The following CLIC5 variants were observed in gnomAD, a reference collection of about 807,000 sequenced individuals.
The protein encoded by CLIC5 is chloride intracellular channel protein 5.
CLIC5 carries 20 observed loss-of-function variants against 24.7 expected under a neutral mutation model. The observed-to-expected ratio is 0.81, with a 90% CI of 0.57 to 1.18. The LOEUF is 1.18. CLIC5 is among the 50% of genes most tolerant of loss of function. The probability of loss-of-function intolerance (pLI) is 0.00; values close to 1 mark genes in which losing one functional copy is unlikely to be tolerated. For missense variants in CLIC5, 341 were observed against 326.1 expected (o/e 1.05, Z -0.35); for synonymous variants, 159 against 135.6 (o/e 1.17, Z -1.20).
intron 1 of CLIC5, among the ~76,000 whole-genome samples, chr6:46,006,044 A>G (rs149418332): frequency 7.5e-4 from 105 of 140,396 alleles, no homozygotes; most frequent in African/African-American, 2.7e-3. Flanking sequence ...ATATACATGT[A>G]TAAATATATA....
At chr6:46,104,819 C>A in the CLIC5 span, among the ~76,000 whole-genome samples, 2 of 152,112 alleles carry the variant, frequency 1.3e-5, no homozygotes, top group African/African-American at 4.8e-5. Context: ...AAAAATCTGA[C>A]CTGAAACAAA....
downstream of CLIC5, among the ~76,000 whole-genome samples, chr6:45,897,937 C>G (rs7747739): frequency 0.023 from 3,476 of 151,854 alleles, 121 homozygotes; most frequent in African/African-American, 0.079. Context: ...TTTTACCTAG[C>G]CCAGGTATTA....
intron 1 of CLIC5, among the ~76,000 whole-genome samples, chr6:45,978,375 C>T (rs545108854): frequency 6.6e-6 from 1 of 152,120 alleles, no homozygotes; most frequent in African/African-American, 2.4e-5. Flanking sequence ...GAGCAGGAAT[C>T]GTAAGCTTTC....
At chr6:45,987,847 A>C (rs1235668423) in intron 1 of CLIC5, among the ~76,000 whole-genome samples, 1 of 152,198 alleles carries the variant, frequency 6.6e-6, no homozygotes, top group Non-Finnish European at 1.5e-5. Flanking sequence ...TCCTAAAAGC[A>C]CTATCTCCAG....
upstream of CLIC5, among the ~76,000 whole-genome samples, chr6:46,016,752 A>G (rs1767023217): frequency 6.6e-6 from 1 of 152,090 alleles, no homozygotes; most frequent in Non-Finnish European, 1.5e-5. Flanking sequence ...TCTCCTCTCC[A>G]CATCTTTTCT....
the CLIC5 span, among the ~76,000 whole-genome samples, chr6:46,094,605 C>T: frequency 3.3e-5 from 5 of 152,206 alleles, no homozygotes; most frequent in African/African-American, 1.2e-4. Context: ...TCATTTCTCA[C>T]ATCCAGGGAA....
chr6:46,066,601 A>C (rs1359386698), intron 1 of CLIC5, among the ~76,000 whole-genome samples: 1 of 152,142 alleles, frequency 6.6e-6, no homozygotes, highest in Non-Finnish European at 1.5e-5. Flanking sequence ...TATGGACCAG[A>C]CTTTGTGCTA....
the CLIC5 span, chr6:46,097,217 A>AATGG: frequency 4.6e-5 from 7 of 152,318 alleles, no homozygotes; most frequent in Admixed American, 3.9e-4. Context: ...AAATAATATG[A>AATGG]ATGGATGGAT....
chr6:46,100,842 C>A, the CLIC5 span, among the ~76,000 whole-genome samples: 2 of 152,086 alleles, frequency 1.3e-5, no homozygotes, highest in Non-Finnish European at 2.9e-5. Flanking sequence ...ACAGAGGGAA[C>A]CACAGAGCGA....
At chr6:46,105,851 A>G in the CLIC5 span, among the ~76,000 whole-genome samples, 3 of 151,876 alleles carry the variant, frequency 2.0e-5, no homozygotes, top group African/African-American at 7.3e-5. Context: ...GGAAGTTCTG[A>G]CAGTGATTGC....
At chr6:46,061,750 T>C (rs138526929) in intron 1 of CLIC5, among the ~76,000 whole-genome samples, 5 of 152,346 alleles carry the variant, frequency 3.3e-5, no homozygotes, top group African/African-American at 1.2e-4. Flanking sequence ...TTCAAACCAA[T>C]AGATTCATAC....
chr6:46,025,029 T>C (rs1767290745), intron 1 of CLIC5, among the ~76,000 whole-genome samples: 1 of 151,874 alleles, frequency 6.6e-6, no homozygotes, highest in South Asian at 2.1e-4. Context: ...AAATAATGTC[T>C]CCATTAATTG....
At chr6:45,894,464 G>A (rs1303752711), downstream of CLIC5, among the ~76,000 whole-genome samples, 1 of 152,074 alleles carries the variant, frequency 6.6e-6, no homozygotes, top group Non-Finnish European at 1.5e-5. Flanking sequence ...CTGGTTAAAT[G>A]TATTGTAATA....
intron 1 of CLIC5, among the ~76,000 whole-genome samples, chr6:45,991,977 CA>C: frequency 6.6e-6 from 1 of 152,114 alleles, no homozygotes; most frequent in Non-Finnish European, 1.5e-5. Flanking sequence ...CACTCGAAAT[CA>C]AAACAACTTA....
intron 1 of CLIC5, among the ~76,000 whole-genome samples, chr6:45,960,518 G>A (rs1400044210): frequency 1.3e-5 from 2 of 152,200 alleles, no homozygotes; most frequent in Admixed American, 6.5e-5. Flanking sequence ...GGGGTGGGCA[G>A]TGTAGCTGTG....
chr6:46,093,224 A>C, the CLIC5 span, among the ~76,000 whole-genome samples: 4 of 152,112 alleles, frequency 2.6e-5, no homozygotes, highest in African/African-American at 9.7e-5. Context: ...TGCTCCACTT[A>C]TACCTGGTCC....
intron 1 of CLIC5, among the ~76,000 whole-genome samples, chr6:46,011,963 C>A (rs545400251): frequency 4.6e-5 from 7 of 152,280 alleles, no homozygotes; most frequent in Non-Finnish European, 8.8e-5. Context: ...TGCCATGGGA[C>A]TCATAATATT....
chr6:46,038,036 T>C (rs938600085), intron 1 of CLIC5, among the ~76,000 whole-genome samples: 3 of 152,168 alleles, frequency 2.0e-5, no homozygotes, highest in Non-Finnish European at 4.4e-5. Context: ...TTTGTATTCA[T>C]AGGACTCACT....
intron 1 of CLIC5, among the ~76,000 whole-genome samples, chr6:46,052,343 G>A (rs1451305919): frequency 6.6e-6 from 1 of 152,154 alleles, no homozygotes; most frequent in Non-Finnish European, 1.5e-5. Flanking sequence ...ATTACTGTCT[G>A]CAGATTATCC....
Sources: allele counts gnomAD v4.1 joint callset (sites outside exome capture counted in the v4.1 genomes callset), GRCh38; gene constraint gnomAD v4.1.1; transcripts MANE v1.5; gene names NCBI Gene and HGNC (gene_info 2026-07-23, HGNC 2026-07-21).